SUSD6: variants seen among roughly 807,000 people sequenced by gnomAD.
SUSD6 encodes sushi domain-containing protein 6.
In SUSD6, 16 loss-of-function variants were observed where a neutral mutation model predicts 28.4. The ratio of observed to expected loss-of-function variants is 0.56; its 90% CI spans 0.38 to 0.86. SUSD6 has a LOEUF of 0.86. SUSD6 is among the 40% of genes least tolerant of loss of function. The pLI is 0.00. For synonymous variants in SUSD6, 147 were observed against 159.6 expected, an observed-to-expected ratio of 0.92 and a Z score of 0.59; for missense variants, 341 against 384.2, an observed-to-expected ratio of 0.89 and a Z score of 0.94.
chr14:69,632,578 T>G (rs745693221), intron 1 of SUSD6, among the ~76,000 whole-genome samples: 1 of 151,926 alleles, frequency 6.6e-6, no homozygotes, highest in African/African-American at 2.4e-5. Context: ...TGTCAGCTCC[T>G]CCTTTCTGTA....
intron 2 of SUSD6, among the ~76,000 whole-genome samples, chr14:69,662,240 G>C (rs751299010): frequency 1.3e-5 from 2 of 152,130 alleles, no homozygotes; most frequent in South Asian, 2.1e-4. Flanking sequence ...TCATGACTCT[G>C]AGAATACCAC....
intron 2 of SUSD6, among the ~76,000 whole-genome samples, chr14:69,697,123 G>A (rs1566606265): frequency 1.3e-5 from 2 of 152,264 alleles, no homozygotes; most frequent in East Asian, 1.9e-4. Flanking sequence ...CTATGTAGCC[G>A]TGGCATTTGT....
Position 69,711,027 on chromosome 14 carries a change from T to A in SUSD6, c.*48T>A. 6.2e-7 allele frequency: 1 copy of A among 1,600,444 alleles called. No individual in the cohort carries two copies. Among genetic ancestry groups the A allele is most frequent in the African/African-American group, 1.3e-5 (1 of 74,682 alleles). The stretch of plus-strand genomic sequence containing the variant: ...TCTGCGAGGTTCTCTCAGCCCTTCC[T>A]CCCTCTCCCTGTGGGATTGAGCACC... On this transcript the variant is annotated 3_prime_UTR_variant, in exon 6 of 6. Transcript: ENST00000342745.
At chr14:69,634,882 G>A (rs1444101192) in intron 1 of SUSD6, among the ~76,000 whole-genome samples, 1 of 152,196 alleles carries the variant, frequency 6.6e-6, no homozygotes, top group African/African-American at 2.4e-5. Flanking sequence ...GAAAAATGCT[G>A]TTGCTTTTGA....
intron 1 of SUSD6, among the ~76,000 whole-genome samples, chr14:69,623,259 G>T (rs1240029297): frequency 6.6e-6 from 1 of 152,188 alleles, no homozygotes; most frequent in African/African-American, 2.4e-5. Context: ...ATACAGTCAT[G>T]TGCAGTGTAA....
intron 1 of SUSD6, among the ~76,000 whole-genome samples, chr14:69,646,015 G>A (rs1364030617): frequency 6.6e-6 from 1 of 152,136 alleles, no homozygotes; most frequent in Non-Finnish European, 1.5e-5. Flanking sequence ...CTCCCAAAGT[G>A]CTGGGATTAC....
chr14:69,674,413 T>G (rs1290673323), intron 2 of SUSD6, among the ~76,000 whole-genome samples: 1 of 152,216 alleles, frequency 6.6e-6, no homozygotes, highest in African/African-American at 2.4e-5. Context: ...GCTTCCATCC[T>G]TCCTTCCCTG....
intron 2 of SUSD6, among the ~76,000 whole-genome samples, chr14:69,666,245 TGG>T (rs1885737537): frequency 6.6e-6 from 1 of 151,936 alleles, no homozygotes; most frequent in Non-Finnish European, 1.5e-5. Flanking sequence ...TAGCAAAGAG[TGG>T]TAAATGCCCT....
intron 1 of SUSD6, among the ~76,000 whole-genome samples, chr14:69,652,002 C>T (rs1286953586): frequency 1.3e-5 from 2 of 152,160 alleles, no homozygotes; most frequent in African/African-American, 4.8e-5. Context: ...CATCATGTGG[C>T]AGGATCAAGG....
intron 2 of SUSD6, among the ~76,000 whole-genome samples, chr14:69,691,317 C>A (rs1886149915): frequency 6.6e-6 from 1 of 152,128 alleles, no homozygotes. Flanking sequence ...TGCCACTAGA[C>A]ACCAGCCTGG....
intron 2 of SUSD6, among the ~76,000 whole-genome samples, chr14:69,686,266 A>C (rs573787132): frequency 9.6e-4 from 147 of 152,350 alleles, no homozygotes; most frequent in African/African-American, 3.4e-3. Flanking sequence ...TATGTTGTCC[A>C]AGATTGTCTC....
chr14:69,663,977 CTTT>C (rs560318014), intron 2 of SUSD6, among the ~76,000 whole-genome samples: 2 of 140,198 alleles, frequency 1.4e-5, no homozygotes, highest in African/African-American at 2.6e-5. Flanking sequence ...ATGGTTGTTT[CTTT>C]TTTTTTTTTT....
chr14:69,651,372 T>C (rs1483006509), intron 1 of SUSD6, among the ~76,000 whole-genome samples: 1 of 152,114 alleles, frequency 6.6e-6, no homozygotes, highest in Non-Finnish European at 1.5e-5. Context: ...GCAGGGAATA[T>C]CAAAGCAATT....
At chr14:69,693,124 T>C (rs944041332) in intron 2 of SUSD6, among the ~76,000 whole-genome samples, 2 of 152,106 alleles carry the variant, frequency 1.3e-5, no homozygotes, top group African/African-American at 4.8e-5. Context: ...GAGGTGGAGG[T>C]AGGAGACAGC....
chr14:69,626,535 T>C (rs1281988819), intron 1 of SUSD6, among the ~76,000 whole-genome samples: 1 of 152,224 alleles, frequency 6.6e-6, no homozygotes, highest in Non-Finnish European at 1.5e-5. Flanking sequence ...TAGTTCACTT[T>C]TCATTTTTCG....
chr14:69,700,483 A>G (rs1886298083), intron 2 of SUSD6, among the ~76,000 whole-genome samples: 1 of 152,202 alleles, frequency 6.6e-6, no homozygotes, highest in Non-Finnish European at 1.5e-5. Flanking sequence ...AAGGTCCTCT[A>G]CAAGATGGTT....
At chr14:69,634,050 A>T (rs566859024) in intron 1 of SUSD6, among the ~76,000 whole-genome samples, 22 of 152,294 alleles carry the variant, frequency 1.4e-4, no homozygotes, top group Non-Finnish European at 2.8e-4. Context: ...GTCTCCCAAG[A>T]GTTTGTATTA....
chr14:69,714,876 G>A lies in SUSD6; in HGVS notation c.*3897G>A, dbSNP rs1328753262. The A allele has an allele frequency of 6.6e-6, 1 of 152,122 alleles. No homozygotes were observed. The highest frequency in any genetic ancestry group is 1.5e-5 in the Non-Finnish European group (1 of 68,034). 9.4% of individuals were successfully genotyped at this position (152,122 alleles called of 1,614,324 possible). ...CCACACCCTGCCCTGGCTTCTTCAGGTTATCGCACCACTATGGAATCCTTT... is the reference window on the plus strand; with the variant it reads ...CCACACCCTGCCCTGGCTTCTTCAGATTATCGCACCACTATGGAATCCTTT... On this transcript the variant is annotated 3_prime_UTR_variant, in exon 6 of 6. Coordinates refer to ENST00000342745, the MANE Select transcript of SUSD6 (RefSeq NM_014734.4).
intron 2 of SUSD6, among the ~76,000 whole-genome samples, chr14:69,692,870 G>T (rs1886172070): frequency 6.6e-6 from 1 of 152,172 alleles, no homozygotes; most frequent in Admixed American, 6.5e-5. Context: ...TTTCCTGAGA[G>T]GACCAGTCAT....
Sources: allele counts gnomAD v4.1 joint callset (sites outside exome capture counted in the v4.1 genomes callset), GRCh38; gene constraint gnomAD v4.1.1; transcripts MANE v1.5; gene names NCBI Gene and HGNC (gene_info 2026-07-23, HGNC 2026-07-21).